Variants in GET4 observed in about 807,000 individuals in gnomAD.
The protein encoded by GET4 is Golgi to ER traffic protein 4 homolog.
A neutral mutation model predicts 40.0 loss-of-function variants in GET4; 20 were observed. That is an observed-to-expected ratio of 0.50 (90% CI 0.35 to 0.73). The LOEUF (loss-of-function observed/expected upper bound fraction) is 0.73. GET4 is among the 30% of genes least tolerant of loss of function. The pLI is 0.01. For missense variants in GET4, 557 were observed against 454.0 expected, an observed-to-expected ratio of 1.23 and a Z score of -2.06; for synonymous variants, 280 against 194.6, an observed-to-expected ratio of 1.44 and a Z score of -3.65.
At chr7:892,158 C>G in intron 5 of GET4, 120 bp from the exon 6 acceptor site, 1 of 983,162 alleles carries the variant, frequency 1.0e-6, no homozygotes, top group Middle Eastern at 2.7e-4. Context: ...CCCTCCATGG[C>G]CTTGGGCCGC....
chr7:891,311 G>A (rs983547559), intron 5 of GET4, among the ~76,000 whole-genome samples: 1 of 152,200 alleles, frequency 6.6e-6, no homozygotes, highest in African/African-American at 2.4e-5. Flanking sequence ...CACGCCCCTC[G>A]CCTCTCGCCC....
chr7:886,154 C>T lies in GET4; in HGVS notation c.234+20C>T. 1 of 1,512,134 alleles carries T rather than the reference C, an allele frequency of 6.6e-7. No homozygotes were observed. Among genetic ancestry groups the T allele is most frequent in the Non-Finnish European group, 9.2e-7 (1 of 1,087,764 alleles). 93.7% of individuals were successfully genotyped at this position (1,512,134 alleles called of 1,614,324 possible). ...GGCCAGGTAAGCCGTCTTGCTTCCT[C>T]CTGCATCCCTTTCTGCTCCGGGCAG... On this transcript the variant is annotated intron_variant, in intron 2 of 8. Coordinates refer to ENST00000265857, the MANE Select transcript of GET4 (RefSeq NM_015949.3).
rs978997451 is a variant in GET4, at chr7:895,740, G to A, written c.*318G>A. On this transcript the variant is annotated 3_prime_UTR_variant, in exon 9 of 9. Transcript: ENST00000265857. ...CTGGGTCCTTTCGGGAGGGCTGATG[G>A]GCAGCACAGGAGGCCCGTCCTCGGG... 6.0e-5 allele frequency: 12 copies of A among 200,186 alleles called. No homozygotes were observed. Among genetic ancestry groups the A allele is most frequent in the African/African-American group, 2.3e-4 (10 of 43,100 alleles). 12.4% of individuals were successfully genotyped at this position (200,186 alleles called of 1,614,324 possible).
At chr7:888,701 C>G (rs933981450) in intron 4 of GET4, among the ~76,000 whole-genome samples, 3 of 152,252 alleles carry the variant, frequency 2.0e-5, no homozygotes, top group African/African-American at 7.2e-5. Flanking sequence ...TGGAGCATAC[C>G]TGCTGCCGCC....
At chr7:882,556 G>T (rs1297253778) in intron 1 of GET4, 1 of 152,838 alleles carries the variant, frequency 6.5e-6, no homozygotes, top group Non-Finnish European at 1.5e-5. Flanking sequence ...GGCGCGGGTT[G>T]TGGGCGGCCG....
At chr7:881,448 G>A (rs2128626800) in intron 1 of GET4, 1 of 151,844 alleles carries the variant, frequency 6.6e-6, no homozygotes. Context: ...CGCACTTTCT[G>A]TCTAACCGCT....
chr7:880,759 G>A (rs1239522962), intron 1 of GET4: 1 of 152,278 alleles, frequency 6.6e-6, no homozygotes, highest in Non-Finnish European at 1.5e-5. Context: ...GTCACCCACT[G>A]AGACACTGTC....
chr7:891,047 G>A lies in GET4; in HGVS notation c.586G>A (p.Val196Met). ...RGFRSEVDMFVAQAVLQFLCL... is the reference protein window; with the variant it reads ...RGFRSEVDMFMAQAVLQFLCL... ...CTTCCGCAGCGAGGTGGACATGTTC[G>A]TGGCCCAGGCCGTGCTACAGTAGGT... is the stretch of plus-strand genomic sequence containing the variant. Residue 196 changes from valine (V) to methionine (M), a missense_variant, in exon 5 of 9, where the codon GTG becomes ATG. Coordinates refer to ENST00000265857, the MANE Select transcript of GET4 (RefSeq NM_015949.3). 7 of 1,607,006 alleles carry A rather than the reference G, an allele frequency of 4.4e-6. No homozygotes were observed. Among genetic ancestry groups the A allele is most frequent in the Middle Eastern group, 1.7e-4 (1 of 6,034 alleles).
chr7:886,051 G>A lies in GET4; in HGVS notation c.156-5G>A. On this transcript the variant is annotated splice_polypyrimidine_tract_variant and splice_region_variant and intron_variant, in intron 1 of 8. Transcript: ENST00000265857. The stretch of plus-strand genomic sequence containing the variant: ...GCGTGGCTCACGGTCTCCTCTCTGT[G>A]GCAGGTACATGTCCCAGAGCAAGCA... 1 of 1,584,096 alleles carries A rather than the reference G, an allele frequency of 6.3e-7. No individual in the cohort carries two copies. Among genetic ancestry groups the A allele is most frequent in the Non-Finnish European group, 8.7e-7 (1 of 1,154,332 alleles).
In GET4 at chr7:886,640, C is replaced by A. The variant is rs768014054; in HGVS notation, c.306C>A (p.Asp102Glu). Reference protein sequence around the residue: ...SLEKAEVEVADELLENLAKVF... With the variant: ...SLEKAEVEVAEELLENLAKVF... ...AGAAGGCGGAAGTGGAGGTGGCTGA[C>A]GAGCTGCTGGGTGAGCATCCGGCCC... Residue 102 changes from aspartate (D) to glutamate (E), a missense_variant, in exon 3 of 9, where the codon GAC becomes GAA. By Grantham distance (45) the Asp-to-Glu change is conservative. Coordinates refer to ENST00000265857, the MANE Select transcript of GET4 (RefSeq NM_015949.3). 1.2e-6 allele frequency: 2 copies of A among 1,610,364 alleles called. No homozygotes were observed. Among genetic ancestry groups the A allele is most frequent in the Non-Finnish European group, 1.7e-6 (2 of 1,177,718 alleles).
At chr7:893,574 T>C (rs1314378269) in intron 6 of GET4, among the ~76,000 whole-genome samples, 166 bp from the exon 7 acceptor site, 14 of 127,648 alleles carry the variant, frequency 1.1e-4, no homozygotes, top group Admixed American at 2.4e-4. Flanking sequence ...GTAGGCGTGG[T>C]GGTTGCAGGT....
intron 6 of GET4, among the ~76,000 whole-genome samples, chr7:892,890 G>A (rs923698459): frequency 1.6e-4 from 24 of 151,674 alleles, no homozygotes; most frequent in Non-Finnish European, 2.4e-4. Flanking sequence ...GTGTGTAGAC[G>A]TGTGGGTAGC....
chr7:886,700 C>A (rs750910980), intron 3 of GET4, 50 bp downstream of exon 3: 1 of 1,180,308 alleles, frequency 8.5e-7, no homozygotes, highest in Non-Finnish European at 1.3e-6. Flanking sequence ...GGCCCCAGTA[C>A]GCCCCTCCCC....
chr7:890,449 T>C (rs10246788), intron 4 of GET4, among the ~76,000 whole-genome samples: 48,888 of 104,944 alleles, frequency 0.47, 13,949 homozygotes, highest in Admixed American at 0.53. Context: ...GAGCGGGTGT[T>C]AGGACGGGCT....
intron 8 of GET4, among the ~76,000 whole-genome samples, chr7:894,836 G>GTTGA (rs1269567100): frequency 2.0e-5 from 3 of 152,230 alleles, no homozygotes; most frequent in Non-Finnish European, 4.4e-5. Context: ...CAGAGTAGTT[G>GTTGA]TTGATTGGAT....
intron 1 of GET4, chr7:884,212 C>T (rs1844142666): frequency 7.7e-7 from 1 of 1,303,850 alleles, no homozygotes; most frequent in South Asian, 1.2e-5. Flanking sequence ...GCATGCGGTT[C>T]TGCCCGTGGC....
At chr7:889,822 GT>G (rs1844279412) in intron 4 of GET4, among the ~76,000 whole-genome samples, 2 of 31,942 alleles carry the variant, frequency 6.3e-5, no homozygotes, top group African/African-American at 2.9e-4. Context: ...TTAGGACGGG[GT>G]CTGGGAGTGG....
intron 8 of GET4, 151 bp from the exon 9 acceptor site, chr7:895,183 G>C (rs184500818): frequency 4.2e-6 from 2 of 471,792 alleles, no homozygotes; most frequent in East Asian, 3.4e-5. Flanking sequence ...GTCCTGTCCC[G>C]GGGTTCCTGG....
rs1844398802 is a variant in GET4, at chr7:893,727, G to GTCTC, written c.747-11_747-8dup. On this transcript the variant is annotated splice_polypyrimidine_tract_variant and intron_variant, in intron 6 of 8. Coordinates refer to ENST00000265857, the MANE Select transcript of GET4 (RefSeq NM_015949.3). Reference sequence around the variant, plus strand: ...CTGCTCACCCAGCACATCCCTGTGTGTCTCTGTCCCAGTGGGAAGCTGACG... The same window carrying GTCTC: ...CTGCTCACCCAGCACATCCCTGTGTGTCTCTCTCTGTCCCAGTGGGAAGCTGACG... 6.3e-7 allele frequency: 1 copy of GTCTC among 1,579,412 alleles called. No individual in the cohort carries two copies. The highest frequency in any genetic ancestry group is 1.3e-5 in the African/African-American group (1 of 74,252).
Sources: allele counts gnomAD v4.1 joint callset (sites outside exome capture counted in the v4.1 genomes callset), GRCh38; gene constraint gnomAD v4.1.1; transcripts MANE v1.5; gene names NCBI Gene and HGNC (gene_info 2026-07-23, HGNC 2026-07-21).